ZFAT: variants seen among roughly 807,000 people sequenced by gnomAD.
ZFAT encodes zinc finger protein ZFAT.
In ZFAT, 64 loss-of-function variants were observed where a neutral mutation model predicts 117.7. The ratio of observed to expected loss-of-function variants is 0.54; its 90% CI spans 0.44 to 0.67. The LOEUF is 0.67. ZFAT is among the 30% of genes least tolerant of loss of function. ZFAT has a pLI of 0.00. For missense variants in ZFAT, 1,433 were observed against 1,584.5 expected (o/e 0.90, Z 1.62); for synonymous variants, 679 against 615.0 (o/e 1.10, Z -1.54).
chr8:134,696,294 C>T, intron 1 of ZFAT: 1 of 842,960 alleles, frequency 1.2e-6, no homozygotes, highest in Middle Eastern at 6.1e-4. Flanking sequence ...AGTCCCAGGC[C>T]ACCCTGCAAA....
At chr8:134,597,578 G>A (rs1827059267) in intron 7 of ZFAT, 1 of 151,978 alleles carries the variant, frequency 6.6e-6, no homozygotes, top group African/African-American at 2.4e-5. Context: ...TGACGTCACT[G>A]TCCCTCTCAC....
chr8:134,772,662 A>G, the ZFAT span, among the ~76,000 whole-genome samples: 1 of 152,224 alleles, frequency 6.6e-6, no homozygotes, highest in South Asian at 2.1e-4. Context: ...TCTAGCTAAG[A>G]TCACTGATGA....
chr8:134,507,941 T>C (rs900864605), intron 15 of ZFAT, among the ~76,000 whole-genome samples: 8 of 152,108 alleles, frequency 5.3e-5, no homozygotes, highest in African/African-American at 1.9e-4. Context: ...TCAGAAGATA[T>C]TTATAAGACA....
the ZFAT span, among the ~76,000 whole-genome samples, chr8:134,773,487 G>T: frequency 6.6e-6 from 1 of 152,188 alleles, no homozygotes; most frequent in African/African-American, 2.4e-5. Flanking sequence ...CAAGGAATAA[G>T]TTAGACTTTC....
chr8:134,798,335 T>C, the ZFAT span: 1 of 152,068 alleles, frequency 6.6e-6, no homozygotes, highest in Non-Finnish European at 1.5e-5. Context: ...AATGGCAATA[T>C]GGTAAACAAG....
chr8:134,499,829 C>A (rs1039910857), intron 15 of ZFAT, among the ~76,000 whole-genome samples: 26 of 152,174 alleles, frequency 1.7e-4, no homozygotes, highest in African/African-American at 6.3e-4. Flanking sequence ...AAGCAGGAGG[C>A]CACCACATGT....
chr8:134,783,271 T>C, the ZFAT span, among the ~76,000 whole-genome samples: 1 of 152,270 alleles, frequency 6.6e-6, no homozygotes, highest in East Asian at 1.9e-4. Flanking sequence ...CGAGGACCAG[T>C]ATCGGTCCAT....
chr8:134,653,292 C>A (rs10092433), intron 2 of ZFAT, among the ~76,000 whole-genome samples: 61,680 of 101,208 alleles, frequency 0.61, 16,822 homozygotes, highest in East Asian at 0.82. Context: ...AAAAAAAAAA[C>A]AAAAAACAGG....
chr8:134,810,976 G>A, the ZFAT span, among the ~76,000 whole-genome samples: 18 of 151,614 alleles, frequency 1.2e-4, no homozygotes, highest in South Asian at 3.5e-3. Flanking sequence ...TGAGTCACTC[G>A]CTACATCTTC....
intron 11 of ZFAT, among the ~76,000 whole-genome samples, chr8:134,553,730 C>T (rs1236342413): frequency 6.6e-6 from 1 of 152,158 alleles, no homozygotes. Context: ...ACGTGACAAG[C>T]CCTCTTTATT....
At chr8:134,623,112 T>TC in intron 3 of ZFAT, among the ~76,000 whole-genome samples, 1 of 152,068 alleles carries the variant, frequency 6.6e-6, no homozygotes, top group Non-Finnish European at 1.5e-5. Context: ...CCATTTTCAT[T>TC]CCCTCCCACT....
chr8:134,512,097 C>A (rs1374645524), intron 14 of ZFAT, among the ~76,000 whole-genome samples: 1 of 152,206 alleles, frequency 6.6e-6, no homozygotes, highest in African/African-American at 2.4e-5. Context: ...AAGTGGGTGA[C>A]CCTCAGTCAA....
At chr8:134,821,797 T>C in the ZFAT span, among the ~76,000 whole-genome samples, 1 of 152,136 alleles carries the variant, frequency 6.6e-6, no homozygotes, top group Non-Finnish European at 1.5e-5. Flanking sequence ...GGAGATCAAA[T>C]TGGGTGTGAG....
At chr8:134,608,951 G>C in intron 4 of ZFAT, 72 bp from the exon 5 acceptor site, 1 of 1,523,030 alleles carries the variant, frequency 6.6e-7, no homozygotes, top group South Asian at 1.3e-5. Context: ...CGCAGCAGAG[G>C]GGATGGTGCT....
chr8:134,597,262 A>G (rs1458975652), intron 7 of ZFAT, among the ~76,000 whole-genome samples: 1 of 152,158 alleles, frequency 6.6e-6, no homozygotes, highest in Non-Finnish European at 1.5e-5. Flanking sequence ...TTGCAGGCTC[A>G]AAAGACAAAT....
At chr8:134,729,625 G>A in the ZFAT span, among the ~76,000 whole-genome samples, 1 of 152,198 alleles carries the variant, frequency 6.6e-6, no homozygotes, top group African/African-American at 2.4e-5. Flanking sequence ...TGGCCAAGCT[G>A]TCAGGCCCCG....
intron 1 of ZFAT, chr8:134,696,594 G>C: frequency 1.0e-6 from 1 of 986,380 alleles, no homozygotes; most frequent in African/African-American, 1.7e-5. Flanking sequence ...TCCCTGGCTG[G>C]CACCACCCAC....
chr8:134,610,376 G>T, intron 4 of ZFAT, 94 bp downstream of exon 4: 1 of 1,349,882 alleles, frequency 7.4e-7, no homozygotes. Context: ...CAATGCACCA[G>T]CTCTGTGTTC....
chr8:134,487,554 A>T (rs1167871402), intron 15 of ZFAT, among the ~76,000 whole-genome samples: 1 of 152,184 alleles, frequency 6.6e-6, no homozygotes, highest in African/African-American at 2.4e-5. Context: ...GGCTTCCTGT[A>T]ACCTTCAAAA....
Sources: allele counts gnomAD v4.1 joint callset (sites outside exome capture counted in the v4.1 genomes callset), GRCh38; gene constraint gnomAD v4.1.1; transcripts MANE v1.5; gene names NCBI Gene and HGNC (gene_info 2026-07-23, HGNC 2026-07-21).